The following VAT1L variants were observed in gnomAD, a reference collection of about 807,000 sequenced individuals.
VAT1L encodes vesicle amine transport 1 like.
A neutral mutation model predicts 44.1 loss-of-function variants in VAT1L; 34 were observed. The observed-to-expected ratio is 0.77, with a 90% confidence interval of 0.59 to 1.03. The LOEUF (loss-of-function observed/expected upper bound fraction) is 1.03. Ranked by LOEUF, VAT1L falls within the 50% of genes least tolerant of loss-of-function variation. The probability of loss-of-function intolerance (pLI) is 0.00; values close to 1 mark genes in which losing one functional copy is unlikely to be tolerated. For missense variants in VAT1L, 615 were observed against 538.8 expected, an observed-to-expected ratio of 1.14 and a Z score of -1.40; for synonymous variants, 253 against 202.2, an observed-to-expected ratio of 1.25 and a Z score of -2.13.
intron 7 of VAT1L, among the ~76,000 whole-genome samples, chr16:77,963,857 A>C (rs929530836): frequency 6.6e-6 from 1 of 152,184 alleles, no homozygotes; most frequent in Admixed American, 6.5e-5. Context: ...GATTTGAAGC[A>C]ATCAGAGACG....
intron 7 of VAT1L, among the ~76,000 whole-genome samples, chr16:77,886,319 CT>C (rs1299292675): frequency 1.3e-5 from 2 of 152,124 alleles, no homozygotes; most frequent in Non-Finnish European, 2.9e-5. Flanking sequence ...GCTGGGCTAC[CT>C]GGTTACTGGG....
intron 7 of VAT1L, among the ~76,000 whole-genome samples, chr16:77,910,055 C>T (rs1332377862): frequency 1.3e-5 from 2 of 152,190 alleles, no homozygotes; most frequent in South Asian, 2.1e-4. Context: ...CAAGAATGCC[C>T]TTTAAGGTGA....
chr16:77,818,016 A>G (rs1477197415), intron 2 of VAT1L, among the ~76,000 whole-genome samples: 1 of 152,208 alleles, frequency 6.6e-6, no homozygotes, highest in Admixed American at 6.5e-5. Context: ...GGGAGGGTTC[A>G]GTAATTTTCT....
At chr16:77,824,770 A>G (rs1379432035) in intron 2 of VAT1L, among the ~76,000 whole-genome samples, 1 of 148,774 alleles carries the variant, frequency 6.7e-6, no homozygotes, top group Non-Finnish European at 1.5e-5. Context: ...AAAAAAAAAA[A>G]TGATTGTGAT....
chr16:77,952,416 C>G (rs1178173757), intron 7 of VAT1L, among the ~76,000 whole-genome samples: 1 of 152,086 alleles, frequency 6.6e-6, no homozygotes, highest in African/African-American at 2.4e-5. Context: ...CACACCAGAC[C>G]TGGTAGTTTA....
chr16:77,862,931 G>C, intron 4 of VAT1L, 41 bp downstream of exon 4: 1 of 1,603,642 alleles, frequency 6.2e-7, no homozygotes, highest in Non-Finnish European at 8.5e-7. Context: ...GCTGGCCCTT[G>C]CTCTGCTCTC....
intron 3 of VAT1L, among the ~76,000 whole-genome samples, chr16:77,849,453 G>T (rs1372226501): frequency 1.3e-5 from 2 of 152,206 alleles, no homozygotes; most frequent in Non-Finnish European, 2.9e-5. Context: ...CAGATAAGAG[G>T]TCACTGATGA....
chr16:77,953,219 C>T (rs552145821), intron 7 of VAT1L, among the ~76,000 whole-genome samples: 5 of 152,270 alleles, frequency 3.3e-5, no homozygotes, highest in South Asian at 2.1e-4. Flanking sequence ...GGAACCAATC[C>T]GGCTGACATT....
intron 4 of VAT1L, 124 bp from the exon 5 acceptor site, chr16:77,876,246 T>C: frequency 2.6e-6 from 2 of 783,126 alleles, no homozygotes. Context: ...TATTTATTGC[T>C]ACTCCTGGAG....
At chr16:77,831,814 G>A (rs2016581597) in intron 3 of VAT1L, among the ~76,000 whole-genome samples, 1 of 149,178 alleles carries the variant, frequency 6.7e-6, no homozygotes, top group African/African-American at 2.4e-5. Flanking sequence ...TTGTTTGTTT[G>A]TTGTTTTTCT....
intron 7 of VAT1L, among the ~76,000 whole-genome samples, chr16:77,951,536 ACT>A (rs1156288585): frequency 6.7e-6 from 1 of 150,312 alleles, no homozygotes; most frequent in African/African-American, 2.4e-5. Context: ...ATGGAGTGAG[ACT>A]CTGTCTCAAA....
At chr16:77,965,701 C>T (rs751701029) in intron 7 of VAT1L, among the ~76,000 whole-genome samples, 8 of 152,222 alleles carry the variant, frequency 5.3e-5, no homozygotes, top group Non-Finnish European at 1.2e-4. Context: ...CCAGGCTGCA[C>T]TTAGCAGGCC....
chr16:77,848,030 T>C (rs1199061730), intron 3 of VAT1L, among the ~76,000 whole-genome samples: 2 of 152,154 alleles, frequency 1.3e-5, no homozygotes, highest in Non-Finnish European at 2.9e-5. Context: ...GGATTAAACA[T>C]GCTCAGATTG....
chr16:77,976,188 T>A (rs2018338232), intron 8 of VAT1L, among the ~76,000 whole-genome samples: 1 of 152,220 alleles, frequency 6.6e-6, no homozygotes, highest in African/African-American at 2.4e-5. Flanking sequence ...CCGTGGTGTC[T>A]ACCGTTTGGC....
In VAT1L at chr16:77,873,989, A is replaced by G. The variant is rs2017060711; in HGVS notation, c.723-2381A>G. 2.0e-5 allele frequency among the ~76,000 whole-genome samples: 3 copies of G among 152,234 alleles called. No homozygotes were observed. In the South Asian group the frequency reaches 6.2e-4, roughly 32 times the overall value. On this transcript the variant is annotated intron_variant, in intron 4 of 8. Coordinates refer to ENST00000302536, the MANE Select transcript of VAT1L (RefSeq NM_020927.3). ...ACATGCCCTGCTTCTCTGCAGAACC[A>G]GAGTCCAGCGGACAGAGCAACAGGT...
chr16:77,935,473 T>C (rs2017783269), intron 7 of VAT1L, among the ~76,000 whole-genome samples: 1 of 144,740 alleles, frequency 6.9e-6, no homozygotes, highest in East Asian at 2.1e-4. Context: ...CAGTATTTCC[T>C]CCACTCCCCA....
intron 1 of VAT1L, among the ~76,000 whole-genome samples, chr16:77,798,085 A>G (rs2015970702): frequency 6.6e-6 from 1 of 152,150 alleles, no homozygotes; most frequent in African/African-American, 2.4e-5. Context: ...CATCCCCAGA[A>G]TTTTCCTGGA....
At chr16:77,799,185 C>G (rs539915722) in intron 1 of VAT1L, among the ~76,000 whole-genome samples, 2 of 151,638 alleles carry the variant, frequency 1.3e-5, no homozygotes, top group African/African-American at 4.8e-5. Context: ...CTGGAGATCT[C>G]TCTCCCTCTC....
At chr16:77,860,413 G>A (rs541564616) in intron 3 of VAT1L, among the ~76,000 whole-genome samples, 54 of 152,098 alleles carry the variant, frequency 3.6e-4, no homozygotes, top group Non-Finnish European at 4.7e-4. Context: ...GCTTGGGACC[G>A]GAGATTAACA....
Sources: gnomAD v4.1 joint callset for allele counts (sites outside exome capture counted in the v4.1 genomes callset) on GRCh38, gnomAD v4.1.1 for gene constraint, MANE v1.5 for transcripts, NCBI Gene and HGNC (gene_info 2026-07-23, HGNC 2026-07-21) for gene names.